The following PICALM variants were observed in gnomAD, a reference collection of about 807,000 sequenced individuals.
PICALM encodes phosphatidylinositol-binding clathrin assembly protein.
Under a neutral mutation model 80.5 loss-of-function variants are expected in PICALM, and 40 were observed. That is an observed-to-expected ratio of 0.50 (90% CI 0.39 to 0.65). The LOEUF (loss-of-function observed/expected upper bound fraction) is 0.65, where lower values mean the gene tolerates loss of function less well. Ranked by LOEUF, PICALM falls within the 30% of genes least tolerant of loss-of-function variation. The probability of loss-of-function intolerance (pLI) is 0.00; values close to 1 mark genes in which losing one functional copy is unlikely to be tolerated. For synonymous variants in PICALM, 288 were observed against 260.3 expected, an observed-to-expected ratio of 1.11 and a Z score of -1.02; for missense variants, 676 against 778.9, an observed-to-expected ratio of 0.87 and a Z score of 1.57.
At chr11:85,970,967 G>C (rs1434756438) in intron 19 of PICALM, among the ~76,000 whole-genome samples, 1 of 152,204 alleles carries the variant, frequency 6.6e-6, no homozygotes, top group Non-Finnish European at 1.5e-5. Context: ...GAGGTTCCAA[G>C]ACTGGGTGAA....
At position 86,043,052 on chromosome 11, in the gene PICALM, G is replaced by T. The variant is rs143613314; in HGVS notation, c.131-11441C>A. Among the ~76,000 whole-genome samples, 478 of 152,192 alleles carry T rather than the reference G, an allele frequency of 3.1e-3. 3 individuals are homozygous for T. Among genetic ancestry groups the T allele is most frequent in the Non-Finnish European group, 5.5e-3 (371 of 68,010 alleles). On this transcript the variant is annotated intron_variant, in intron 1 of 19. Coordinates refer to ENST00000393346, the MANE Select transcript of PICALM (RefSeq NM_007166.4). ...AGTCCTGGTTCACACCTGTTGTCCAGGGTCCCATTCAGATAGCACACCCTT... is the reference window on the plus strand; with the variant it reads ...AGTCCTGGTTCACACCTGTTGTCCATGGTCCCATTCAGATAGCACACCCTT...
At chr11:86,011,266 G>A in intron 6 of PICALM, 130 bp from the exon 7 acceptor site, 1 of 552,344 alleles carries the variant, frequency 1.8e-6, no homozygotes, top group Non-Finnish European at 3.2e-6. Flanking sequence ...AAAAATATCA[G>A]TGTTAAGTTA....
chr11:86,054,714 A>G (rs1004020395), intron 1 of PICALM, among the ~76,000 whole-genome samples: 1 of 152,220 alleles, frequency 6.6e-6, no homozygotes, highest in Non-Finnish European at 1.5e-5. Context: ...ATAATCAATT[A>G]TTAGTTTGCA....
rs148399674 is a variant in PICALM at position 85,960,351 on chromosome 11, A to G, written c.1945-1291T>C. Among the ~76,000 whole-genome samples, 481 of 152,372 alleles carry G rather than the reference A, an allele frequency of 3.2e-3. 3 individuals are homozygous for G. The highest frequency in any genetic ancestry group is 0.011 in the African/African-American group (464 of 41,590). On this transcript the variant is annotated intron_variant, in intron 19 of 19. Transcript: ENST00000393346. ...CTTCCAGCAAACAGAGGCAGTGTGGATCATATGCAGAATCCTTCTAATCGA... is the reference window on the plus strand; with the variant it reads ...CTTCCAGCAAACAGAGGCAGTGTGGGTCATATGCAGAATCCTTCTAATCGA...
intron 12 of PICALM, among the ~76,000 whole-genome samples, chr11:85,996,494 A>G (rs1398356687): frequency 2.0e-5 from 3 of 152,136 alleles, no homozygotes; most frequent in Non-Finnish European, 4.4e-5. Flanking sequence ...ATTCTACACC[A>G]AAATCGAAAT....
At chr11:85,961,231 C>G (rs1279237901) in intron 19 of PICALM, among the ~76,000 whole-genome samples, 2 of 152,176 alleles carry the variant, frequency 1.3e-5, no homozygotes, top group Non-Finnish European at 2.9e-5. Context: ...CTGCAATATT[C>G]TTTCCTTTCT....
rs1210854903 is a variant in PICALM at position 85,990,403 on chromosome 11, T to G, written c.1259-4A>C. On this transcript the variant is annotated splice_polypyrimidine_tract_variant and splice_region_variant and intron_variant, in intron 12 of 19. Transcript: ENST00000393346. Reference sequence around the variant, plus strand: ...TCTACAGTAGCAGAGAAAGGATCTGTGCAGTCCAAATGTATTATAGCAAAA... The same window carrying G: ...TCTACAGTAGCAGAGAAAGGATCTGGGCAGTCCAAATGTATTATAGCAAAA... 3.2e-6 allele frequency: 5 copies of G among 1,582,534 alleles called. No individual in the cohort carries two copies. In the South Asian group the frequency reaches 3.4e-5, roughly 11 times the overall value.
intron 16 of PICALM, among the ~76,000 whole-genome samples, 185 bp downstream of exon 16, chr11:85,981,560 T>C (rs891767785): frequency 4.0e-5 from 6 of 151,762 alleles, no homozygotes; most frequent in African/African-American, 7.3e-5. Context: ...TGGGCCGAGA[T>C]TGCGCCACTG....
At chr11:86,026,120 G>A (rs1380169377) in intron 3 of PICALM, among the ~76,000 whole-genome samples, 172 bp downstream of exon 3, 1 of 152,036 alleles carries the variant, frequency 6.6e-6, no homozygotes, top group Non-Finnish European at 1.5e-5. Context: ...GTATCTGGTA[G>A]GAAGATTATT....
At chr11:86,062,753 C>G (rs769061932) in intron 1 of PICALM, among the ~76,000 whole-genome samples, 2 of 152,156 alleles carry the variant, frequency 1.3e-5, no homozygotes, top group Non-Finnish European at 2.9e-5. Context: ...AACTATCTAA[C>G]TGCCCAAAAT....
At chr11:86,021,382 G>A (rs577353029) in intron 4 of PICALM, among the ~76,000 whole-genome samples, 9 of 150,884 alleles carry the variant, frequency 6.0e-5, no homozygotes, top group Non-Finnish European at 4.4e-5. Context: ...TTCAAAAGAC[G>A]ATATGCAAAT....
At chr11:86,009,673 C>T (rs1337242715) in intron 7 of PICALM, among the ~76,000 whole-genome samples, 1 of 152,026 alleles carries the variant, frequency 6.6e-6, no homozygotes, top group Non-Finnish European at 1.5e-5. Context: ...GCCTAGGGGA[C>T]AAGAGCAAGA....
In PICALM at chr11:86,040,620, T is replaced by C. The variant is rs150069010; in HGVS notation, c.131-9009A>G. On this transcript the variant is annotated intron_variant, in intron 1 of 19. Coordinates refer to ENST00000393346, the MANE Select transcript of PICALM (RefSeq NM_007166.4). ...TACATATTTAAATAGGTTAAATAAATAAAACTTGAGGGGCTGTCAATGTCT... is the reference window on the plus strand; with the variant it reads ...TACATATTTAAATAGGTTAAATAAACAAAACTTGAGGGGCTGTCAATGTCT... 3.1e-3 allele frequency among the ~76,000 whole-genome samples: 475 copies of C among 152,346 alleles called. 4 individuals are homozygous for C. Among genetic ancestry groups the C allele is most frequent in the South Asian group, 0.011 (51 of 4,832 alleles).
intron 17 of PICALM, chr11:85,978,756 T>C (rs912099006): frequency 1.3e-5 from 2 of 152,222 alleles, no homozygotes; most frequent in African/African-American, 4.8e-5. Flanking sequence ...ATACAAATTC[T>C]ACATGACTAA....
At chr11:85,982,123 G>T (rs2094457196) in intron 14 of PICALM, 120 bp from the exon 15 acceptor site, 1 of 825,220 alleles carries the variant, frequency 1.2e-6, no homozygotes, top group East Asian at 2.5e-5. Flanking sequence ...CCAAAAAATA[G>T]ACATTAGTAA....
intron 13 of PICALM, among the ~76,000 whole-genome samples, chr11:85,989,005 C>T (rs2094677133): frequency 6.6e-6 from 1 of 152,158 alleles, no homozygotes; most frequent in South Asian, 2.1e-4. Context: ...ATAGTTAAGA[C>T]CACGACTCTC....
intron 1 of PICALM, among the ~76,000 whole-genome samples, chr11:86,049,590 T>C (rs2096142662): frequency 1.3e-5 from 2 of 151,758 alleles, no homozygotes; most frequent in South Asian, 4.2e-4. Context: ...TCTCACTCTG[T>C]CACCCAGGCT....
At chr11:85,993,993 T>G (rs2094880094) in intron 12 of PICALM, among the ~76,000 whole-genome samples, 1 of 152,096 alleles carries the variant, frequency 6.6e-6, no homozygotes. Context: ...GTATTGCAAT[T>G]ACAGGTATGA....
intron 1 of PICALM, among the ~76,000 whole-genome samples, chr11:86,052,754 T>C (rs948701030): frequency 7.2e-5 from 11 of 152,198 alleles, no homozygotes; most frequent in Admixed American, 6.5e-5. Context: ...GCCAAAAAGC[T>C]ATATCTAAAG....
Sources: gnomAD v4.1 joint callset for allele counts (sites outside exome capture counted in the v4.1 genomes callset) on GRCh38, gnomAD v4.1.1 for gene constraint, MANE v1.5 for transcripts, NCBI Gene and HGNC (gene_info 2026-07-23, HGNC 2026-07-21) for gene names.